The following ARL6 variants were observed in gnomAD, a reference collection of about 807,000 sequenced individuals.
The protein encoded by ARL6 is ARF like GTPase 6, also known as ADP-ribosylation factor-like protein 6.
A neutral mutation model predicts 27.1 loss-of-function variants in ARL6; 18 were observed. The observed-to-expected ratio is 0.66, with a 90% confidence interval of 0.46 to 0.98. The LOEUF (loss-of-function observed/expected upper bound fraction) is 0.98, where lower values mean the gene tolerates loss of function less well. ARL6 is among the 50% of genes least tolerant of loss of function. The pLI, the probability that ARL6 is intolerant of heterozygous loss-of-function variation, is 0.00. For synonymous variants in ARL6, 65 were observed against 72.3 expected, an observed-to-expected ratio of 0.90 and a Z score of 0.51; for missense variants, 187 against 214.9, an observed-to-expected ratio of 0.87 and a Z score of 0.81.
At chr3:97,788,338 A>G (rs1378943723) in intron 6 of ARL6, among the ~76,000 whole-genome samples, 4 of 152,074 alleles carry the variant, frequency 2.6e-5, no homozygotes, top group African/African-American at 9.7e-5. Context: ...AATATAAACA[A>G]CTCTTATAAT....
chr3:97,795,183 G>T (rs925544486), intron 7 of ARL6, among the ~76,000 whole-genome samples: 1 of 152,184 alleles, frequency 6.6e-6, no homozygotes, highest in African/African-American at 2.4e-5. Flanking sequence ...CAATAATCGT[G>T]TATGTAGAAT....
chr3:97,774,172 A>G (rs2036775621), intron 2 of ARL6, among the ~76,000 whole-genome samples: 1 of 152,238 alleles, frequency 6.6e-6, no homozygotes, highest in Non-Finnish European at 1.5e-5. Flanking sequence ...ACTTAAAGGT[A>G]GGAGGAGCCT....
chr3:97,796,481 T>C (rs948438438), intron 7 of ARL6, among the ~76,000 whole-genome samples: 2 of 152,040 alleles, frequency 1.3e-5, no homozygotes, highest in Admixed American at 6.6e-5. Flanking sequence ...AAAGGGGTCA[T>C]GTTCAGGAGG....
At chr3:97,770,405 A>C (rs1559670483) in intron 2 of ARL6, among the ~76,000 whole-genome samples, 1 of 151,790 alleles carries the variant, frequency 6.6e-6, no homozygotes, top group Non-Finnish European at 1.5e-5. Context: ...TTTCCTTGCT[A>C]CTGAATTGAG....
At chr3:97,765,209 GGGGT>G (rs140285382) in intron 1 of ARL6, among the ~76,000 whole-genome samples, 21,991 of 127,978 alleles carry the variant, frequency 0.17, 1,848 homozygotes, top group Middle Eastern at 0.24. Flanking sequence ...CCGTGTATTG[GGGGT>G]GTGTGTGTGT....
At chr3:97,793,909 C>G (rs1443899586) in intron 7 of ARL6, among the ~76,000 whole-genome samples, 1 of 150,558 alleles carries the variant, frequency 6.6e-6, no homozygotes. Context: ...TATTCTACTA[C>G]TTATTAATTT....
chr3:97,774,035 C>T (rs2108004445), intron 2 of ARL6, among the ~76,000 whole-genome samples: 1 of 152,260 alleles, frequency 6.6e-6, no homozygotes, highest in East Asian at 1.9e-4. Context: ...CAAAGAGATG[C>T]CCTAATGGAT....
chr3:97,768,283 A>G, intron 2 of ARL6, 53 bp downstream of exon 2: 2 of 1,580,732 alleles, frequency 1.3e-6, no homozygotes, highest in Non-Finnish European at 8.7e-7. Flanking sequence ...AAGAAAATTA[A>G]TGTGCAGAAT....
chr3:97,788,446 G>A (rs1317135434), intron 6 of ARL6, among the ~76,000 whole-genome samples: 1 of 152,062 alleles, frequency 6.6e-6, no homozygotes, highest in Non-Finnish European at 1.5e-5. Flanking sequence ...AAGAGCATGT[G>A]CACTTGTATC....
At chr3:97,780,551 T>A in intron 3 of ARL6, 64 bp from the exon 4 acceptor site, 1 of 1,360,014 alleles carries the variant, frequency 7.4e-7, no homozygotes, top group Non-Finnish European at 1.0e-6. Context: ...GTAAATAATT[T>A]AAAATTTTAA....
chr3:97,773,845 C>T (rs35093931), intron 2 of ARL6, among the ~76,000 whole-genome samples: 5 of 152,320 alleles, frequency 3.3e-5, no homozygotes, highest in African/African-American at 9.6e-5. Context: ...ACTACCTATT[C>T]TGTATTCCCT....
intron 7 of ARL6, among the ~76,000 whole-genome samples, chr3:97,794,626 A>G (rs2037913974): frequency 6.6e-6 from 1 of 152,186 alleles, no homozygotes; most frequent in African/African-American, 2.4e-5. Context: ...ATAGCAGTAA[A>G]TATAGGAGAG....
rs190664239 is a variant in ARL6, at chr3:97,779,963, A to T, written c.124-196A>T. 3.0e-3 allele frequency among the ~76,000 whole-genome samples: 454 copies of T among 152,250 alleles called. 2 individuals carry two copies. Among genetic ancestry groups the T allele is most frequent in the African/African-American group, 0.01 (421 of 41,550 alleles). On this transcript the variant is annotated intron_variant, in intron 2 of 7. Coordinates refer to ENST00000463745, the MANE Select transcript of ARL6 (RefSeq NM_001278293.3). ...ACAAATGTGAATTAATATTATGCAGATTCATAATTAGTAAACCTTAAACTT... is the reference window on the plus strand; with the variant it reads ...ACAAATGTGAATTAATATTATGCAGTTTCATAATTAGTAAACCTTAAACTT...
At position 97,790,051 on chromosome 3, in the gene ARL6, T is replaced by TTGTGTGTGTGTG. The variant is rs3058067; in HGVS notation, c.480-1691_480-1680dup. Among the ~76,000 whole-genome samples, 239 of 137,140 alleles carry TTGTGTGTGTGTG rather than the reference T, an allele frequency of 1.7e-3. 1 individual carries two copies. Among genetic ancestry groups the TTGTGTGTGTGTG allele is most frequent in the African/African-American group, 3.4e-3 (123 of 36,620 alleles). The allele number at this position is 137,140 out of a possible 152,430, so 90.0% of individuals were successfully genotyped here. On this transcript the variant is annotated intron_variant, in intron 6 of 7. Coordinates refer to ENST00000463745, the MANE Select transcript of ARL6 (RefSeq NM_001278293.3). ...TTTGACTCAATCCCTGGCATCATGATTGTGTGTGTGTGTGTGTGTGTGTGT... is the reference window on the plus strand; with the variant it reads ...TTTGACTCAATCCCTGGCATCATGATTGTGTGTGTGTGTGTGTGTGTGTGTGTGTGTGTGTGT...
rs978380988 is a variant in ARL6 at position 97,798,186 on chromosome 3, A to T, written c.*137A>T. 5.7e-6 allele frequency: 5 copies of T among 879,956 alleles called. No individual in the cohort carries two copies. Among genetic ancestry groups the T allele is most frequent in the Non-Finnish European group, 9.2e-6 (5 of 543,184 alleles). The allele number at this position is 879,956 out of a possible 1,614,324, so 54.5% of individuals were successfully genotyped here. On this transcript the variant is annotated 3_prime_UTR_variant, in exon 8 of 8. Coordinates refer to ENST00000463745, the MANE Select transcript of ARL6 (RefSeq NM_001278293.3). ...TGCATTTATGGACTCTGACCTTTTT[A>T]AGAACATAGGACTTCAGGTATGCTA... is the stretch of plus-strand genomic sequence containing the variant.
intron 4 of ARL6, among the ~76,000 whole-genome samples, chr3:97,784,344 G>A (rs961655558): frequency 2.0e-5 from 3 of 151,810 alleles, no homozygotes; most frequent in Middle Eastern, 3.2e-3. Flanking sequence ...CTATTTGTAA[G>A]TATTTTTTCA....
At chr3:97,787,245 G>T (rs778047225) in intron 5 of ARL6, among the ~76,000 whole-genome samples, 17 of 152,086 alleles carry the variant, frequency 1.1e-4, no homozygotes, top group Non-Finnish European at 5.9e-5. Flanking sequence ...TGCTCTATAT[G>T]TACTGATATG....
Position 97,768,182 on chromosome 3 carries a change from A to G in ARL6, c.75A>G (p.Leu25=), listed in dbSNP as rs2036474751. The part of the protein sequence containing the change: ...KKEVHVLCLG[L]DNSGKTTIIN... ...AGGTTCATGTTTTGTGCCTTGGGCT[A>G]GATAATAGTGGCAAAACGACGATCA... Residue 25 remains leucine (L), a synonymous_variant, in exon 2 of 8, where the codon CTA becomes CTG. Transcript: ENST00000463745. 1.2e-6 allele frequency: 2 copies of G among 1,612,996 alleles called. No individual in the cohort carries two copies. The highest frequency in any genetic ancestry group is 2.2e-5 in the South Asian group (2 of 91,060).
intron 2 of ARL6, among the ~76,000 whole-genome samples, chr3:97,772,951 T>G (rs537901367): frequency 7.9e-5 from 12 of 152,346 alleles, no homozygotes; most frequent in African/African-American, 2.9e-4. Context: ...TTTATTGCTA[T>G]AAACTTCTTG....
Sources: gnomAD v4.1 joint callset for allele counts (sites outside exome capture counted in the v4.1 genomes callset) on GRCh38, gnomAD v4.1.1 for gene constraint, MANE v1.5 for transcripts, NCBI Gene and HGNC (gene_info 2026-07-23, HGNC 2026-07-21) for gene names.